Variants in BTN2A2 observed in about 807,000 individuals in gnomAD.
BTN2A2 encodes the protein butyrophilin subfamily 2 member A2.
A neutral mutation model predicts 34.7 loss-of-function variants in BTN2A2; 29 were observed. The ratio of observed to expected loss-of-function variants is 0.84; its 90% CI spans 0.62 to 1.14. The LOEUF is 1.14. Among genes scored for constraint, BTN2A2 ranks in the 50% most tolerant of loss-of-function variants. BTN2A2 has a pLI of 0.00. For synonymous variants in BTN2A2, 240 were observed against 253.1 expected (o/e 0.95, Z 0.49); for missense variants, 612 against 651.5 (o/e 0.94, Z 0.66).
In BTN2A2 at chr6:26,393,982, A is replaced by G. The variant is rs982908527; in HGVS notation, c.*1015A>G. On this transcript the variant is annotated 3_prime_UTR_variant, in exon 8 of 8. Transcript: ENST00000356709. ...ATCTATTGTGTCCAAATAAAAAAAC[A>G]AAAAGTGTGACACTGGTTAACTTTT... 2.0e-5 allele frequency: 6 copies of G among 297,254 alleles called. No individual in the cohort carries two copies. Among genetic ancestry groups the G allele is most frequent in the Admixed American group, 1.5e-4 (3 of 19,464 alleles). The allele number at this position is 297,254 out of a possible 1,614,324, so 18.4% of individuals were successfully genotyped here.
At chr6:26,392,286 A>C (rs1761625479) in intron 7 of BTN2A2, 89 bp from the exon 8 acceptor site, 1 of 1,600,700 alleles carries the variant, frequency 6.2e-7, no homozygotes, top group Non-Finnish European at 8.5e-7. Flanking sequence ...AACCCCCTTC[A>C]GCTTTCTGAG....
Position 26,393,562 on chromosome 6 carries a change from C to T in BTN2A2, c.*595C>T. ...CCAGGATTTCCACAGCACACACCCACAGGCCTGGACCTGGGATGAAGATGA... is the reference window on the plus strand; with the variant it reads ...CCAGGATTTCCACAGCACACACCCATAGGCCTGGACCTGGGATGAAGATGA... On this transcript the variant is annotated 3_prime_UTR_variant, in exon 8 of 8. Coordinates refer to ENST00000356709, the MANE Select transcript of BTN2A2 (RefSeq NM_006995.5). 1 of 1,008,262 alleles carries T rather than the reference C, an allele frequency of 9.9e-7. No individual in the cohort carries two copies. Among genetic ancestry groups the T allele is most frequent in the Non-Finnish European group, 1.2e-6 (1 of 844,098 alleles). 62.5% of individuals were successfully genotyped at this position (1,008,262 alleles called of 1,614,324 possible). A position where few individuals can be genotyped will look rare whatever the true frequency, so the allele number is the denominator to read the frequency against.
At position 26,388,056 on chromosome 6, in the gene BTN2A2, T is replaced by A; in HGVS notation, c.486T>A (p.Asp162Glu). The stretch of plus-strand genomic sequence containing the variant: ...TCATTGAAATCAAGGCCCAAGAGGA[T>A]GGGAGCATCTGGCTGGAGTGCATAT... The part of the protein sequence containing the change: ...KPLIEIKAQE[D>E]GSIWLECISG... Residue 162 changes from aspartate (D) to glutamate (E), a missense_variant, in exon 4 of 8, where the codon GAT becomes GAA. Transcript: ENST00000356709. 1 of 1,614,004 alleles carries A rather than the reference T, an allele frequency of 6.2e-7. No individual in the cohort carries two copies. Among genetic ancestry groups the A allele is most frequent in the Non-Finnish European group, 8.5e-7 (1 of 1,179,988 alleles).
In BTN2A2 at chr6:26,393,161, G is replaced by A; in HGVS notation, c.*194G>A. Reference sequence around the variant, plus strand: ...TCCTCACTAGTCTGTGGCTTTAGTAGTTCCTTTGCTTGTAATTATGGGATG... The same window carrying A: ...TCCTCACTAGTCTGTGGCTTTAGTAATTCCTTTGCTTGTAATTATGGGATG... On this transcript the variant is annotated 3_prime_UTR_variant, in exon 8 of 8. Transcript: ENST00000356709. 3 of 1,584,686 alleles carry A rather than the reference G, an allele frequency of 1.9e-6. No homozygotes were observed. Among genetic ancestry groups the A allele is most frequent in the South Asian group, 1.2e-5 (1 of 85,238 alleles).
Position 26,392,466 on chromosome 6 carries a change from A to C in BTN2A2, c.1071A>C (p.Arg357Ser), listed in dbSNP as rs1331915251. Residue 357 changes from arginine (R) to serine (S), a missense_variant, in exon 8 of 8, where the codon AGA becomes AGC. Coordinates refer to ENST00000356709, the MANE Select transcript of BTN2A2 (RefSeq NM_006995.5). ...TGAGGCGGGGCCCCTACAGGCAGAGAGTGCCTGACAACCCAGAGAGATTCG... is the reference window on the plus strand; with the variant it reads ...TGAGGCGGGGCCCCTACAGGCAGAGCGTGCCTGACAACCCAGAGAGATTCG... Reference protein sequence around the residue: ...RSVRRGPYRQRVPDNPERFDS... With the variant: ...RSVRRGPYRQSVPDNPERFDS... 3 of 1,614,214 alleles carry C rather than the reference A, an allele frequency of 1.9e-6. No homozygotes were observed. Among genetic ancestry groups the C allele is most frequent in the East Asian group, 2.2e-5 (1 of 44,882 alleles).
rs1761479724 is a variant in BTN2A2, at chr6:26,390,154, G to C, written c.874G>C (p.Glu292Gln). 1 of 1,613,576 alleles carries C rather than the reference G, an allele frequency of 6.2e-7. No individual in the cohort carries two copies. The highest frequency in any genetic ancestry group is 1.7e-5 in the Admixed American group (1 of 59,942). ...SICCIKKLQREKKILSGEKKV... is the reference protein window; with the variant it reads ...SICCIKKLQRQKKILSGEKKV... Reference sequence around the variant, plus strand: ...CTGTTGCATCAAGAAACTTCAAAGGGAAAAAAAGATTCTGTCAGGGGAAAA... The same window carrying C: ...CTGTTGCATCAAGAAACTTCAAAGGCAAAAAAAGATTCTGTCAGGGGAAAA... Residue 292 changes from glutamate to glutamine, a missense_variant, in exon 5 of 8, where the codon GAA becomes CAA. Physicochemically the swap from Glu to Gln is conservative, Grantham distance 29. Coordinates refer to ENST00000356709, the MANE Select transcript of BTN2A2 (RefSeq NM_006995.5).
In BTN2A2 at chr6:26,390,838, C is replaced by T; in HGVS notation, c.979+9C>T. The stretch of plus-strand genomic sequence containing the variant: ...AACATTCTTACATGCTGGTGAGTGC[C>T]TCTGATGTTCTCTCAGATCTCAGCT... On this transcript the variant is annotated intron_variant, in intron 7 of 7. Transcript: ENST00000356709. 1 of 1,614,014 alleles carries T rather than the reference C, an allele frequency of 6.2e-7. No individual in the cohort carries two copies.
At position 26,391,126 on chromosome 6, in the gene BTN2A2, A is replaced by G. The variant is rs1581605244; in HGVS notation, c.979+297A>G. The G allele has an allele frequency of 1.8e-5, 10 of 553,020 alleles. No homozygotes were observed. The East Asian group carries it at 3.0e-4, about 17-fold the overall frequency. 34.3% of individuals were successfully genotyped at this position (553,020 alleles called of 1,614,324 possible). ...AGTAGCCTCCTAAGAGTTACATTTC[A>G]GAAGTCATTGCTCTTTGATTCTGGA... On this transcript the variant is annotated intron_variant, in intron 7 of 7. Transcript: ENST00000356709.
intron 7 of BTN2A2, chr6:26,392,071 T>A (rs904886254): frequency 2.8e-6 from 2 of 717,994 alleles, no homozygotes; most frequent in African/African-American, 1.8e-5. Flanking sequence ...AGAAAAGGGA[T>A]CAGATCTTAG....
In BTN2A2 at chr6:26,383,952, G is replaced by A; in HGVS notation, c.94+37G>A. 2 of 1,587,856 alleles carry A rather than the reference G, an allele frequency of 1.3e-6. No homozygotes were observed. Among genetic ancestry groups the A allele is most frequent in the Non-Finnish European group, 1.7e-6 (2 of 1,156,284 alleles). ...TGTCACTTGCTGCTGTCACCTCTCA[G>A]AAAGGAACATCAACCCTGTAGTCTG... On this transcript the variant is annotated intron_variant, in intron 2 of 7. Coordinates refer to ENST00000356709, the MANE Select transcript of BTN2A2 (RefSeq NM_006995.5). This position sits in a 1 kb window ranked among gnomAD's most constrained non-coding sequence, Gnocchi z 4.4.
Position 26,394,101 on chromosome 6 carries a change from C to CA in BTN2A2, c.*1141dup, listed in dbSNP as rs1170459090. On this transcript the variant is annotated 3_prime_UTR_variant, in exon 8 of 8. Transcript: ENST00000356709. ...TGGTATATCATAGGTCATGTTAGCT[C>CA]AAAAAAACTTTACTGCACACTACTG... The CA allele has an allele frequency of 1.8e-5, 9 of 501,446 alleles. No homozygotes were observed. Among genetic ancestry groups the CA allele is most frequent in the Non-Finnish European group, 2.8e-5 (8 of 282,986 alleles). The allele number at this position is 501,446 out of a possible 1,614,324, so 31.1% of individuals were successfully genotyped here. A position where few individuals can be genotyped will look rare whatever the true frequency, so the allele number is the denominator to read the frequency against.
In BTN2A2 at chr6:26,388,005, C is replaced by G. The variant is rs142227365; in HGVS notation, c.443-8C>G. On this transcript the variant is annotated splice_polypyrimidine_tract_variant and splice_region_variant and intron_variant, in intron 3 of 7. Coordinates refer to ENST00000356709, the MANE Select transcript of BTN2A2 (RefSeq NM_006995.5). ...GCCTTTTGGCTGAGCCCTGGTCTCCCTTTCCAGGCCTTGGGTCTAAGCCCC... is the reference window on the plus strand; with the variant it reads ...GCCTTTTGGCTGAGCCCTGGTCTCCGTTTCCAGGCCTTGGGTCTAAGCCCC... The G allele has an allele frequency of 1.8e-4, 294 of 1,606,430 alleles. No homozygotes were observed. The African/African-American group carries it at 3.5e-3, about 19-fold the overall frequency.
At position 26,389,992 on chromosome 6, in the gene BTN2A2, G is replaced by T. The variant is rs561200405; in HGVS notation, c.725-13G>T. ...ATTTCAAACTAAATGGACTTTTCTG[G>T]CTGCCTTTTCAGAATCCTTTATGCC... On this transcript the variant is annotated splice_polypyrimidine_tract_variant and intron_variant, in intron 4 of 7. Transcript: ENST00000356709. 9.3e-6 allele frequency: 15 copies of T among 1,609,436 alleles called. 1 individual carries two copies. The South Asian group carries it at 1.2e-4, about 13-fold the overall frequency.
chr6:26,385,477 C>A, intron 3 of BTN2A2, 115 bp downstream of exon 3: 1 of 1,065,756 alleles, frequency 9.4e-7, no homozygotes, highest in South Asian at 1.6e-5. Context: ...CGTCCCCTTT[C>A]CACAGAGAAA....
chr6:26,388,800 T>G (rs1262623239), intron 4 of BTN2A2, among the ~76,000 whole-genome samples: 2 of 152,192 alleles, frequency 1.3e-5, no homozygotes, highest in African/African-American at 2.4e-5. Flanking sequence ...TATATCAAAA[T>G]TTCTCTCCTC....
intron 7 of BTN2A2, chr6:26,391,808 A>G (rs1419989186): frequency 5.9e-6 from 1 of 168,484 alleles, no homozygotes; most frequent in Non-Finnish European, 1.3e-5. Flanking sequence ...TTTTGCACAC[A>G]TTTATTCTCC....
chr6:26,391,157 T>A (rs12205476), intron 7 of BTN2A2: 64,251 of 505,500 alleles, frequency 0.13, 4,522 homozygotes, highest in South Asian at 0.17. Flanking sequence ...CTGGATCAAT[T>A]TGAAATAAGA....
At position 26,394,086 on chromosome 6, in the gene BTN2A2, T is replaced by C. The variant is rs1761757181; in HGVS notation, c.*1119T>C. On this transcript the variant is annotated 3_prime_UTR_variant, in exon 8 of 8. Coordinates refer to ENST00000356709, the MANE Select transcript of BTN2A2 (RefSeq NM_006995.5). The stretch of plus-strand genomic sequence containing the variant: ...TTGTATTAAACCTATTGGTATATCA[T>C]AGGTCATGTTAGCTCAAAAAAACTT... 1 of 488,816 alleles carries C rather than the reference T, an allele frequency of 2.0e-6. No homozygotes were observed. Among genetic ancestry groups the C allele is most frequent in the Non-Finnish European group, 3.6e-6 (1 of 275,674 alleles). The allele number at this position is 488,816 out of a possible 1,614,324, so 30.3% of individuals were successfully genotyped here. A position where few individuals can be genotyped will look rare whatever the true frequency, so the allele number is the denominator to read the frequency against.
chr6:26,387,068 C>G (rs529189729), intron 3 of BTN2A2, among the ~76,000 whole-genome samples: 1 of 152,312 alleles, frequency 6.6e-6, no homozygotes, highest in East Asian at 1.9e-4. Context: ...TTGCAGCTCT[C>G]TCACTCTGGG....
Sources: allele counts gnomAD v4.1 joint callset (sites outside exome capture counted in the v4.1 genomes callset), GRCh38; gene constraint gnomAD v4.1.1; non-coding constraint Gnocchi (gnomAD v3.1); transcripts MANE v1.5; gene names NCBI Gene and HGNC (gene_info 2026-07-23, HGNC 2026-07-21).